The following SPON1 variants were observed in gnomAD, a reference collection of about 807,000 sequenced individuals.
SPON1 encodes spondin-1.
In SPON1, 52 loss-of-function variants were observed where a neutral mutation model predicts 111.7. The observed-to-expected ratio is 0.47, with a 90% CI of 0.37 to 0.59. The LOEUF is 0.59. Among genes scored for constraint, SPON1 ranks in the 20% least tolerant of loss-of-function variants. The probability of loss-of-function intolerance (pLI) is 0.00; values close to 1 mark genes in which losing one functional copy is unlikely to be tolerated. For missense variants in SPON1, 957 were observed against 1,068.5 expected (o/e 0.90, Z 1.46); for synonymous variants, 410 against 395.8 (o/e 1.04, Z -0.43).
chr11:14,247,003 C>G (rs1376550324), intron 7 of SPON1, among the ~76,000 whole-genome samples: 1 of 152,178 alleles, frequency 6.6e-6, no homozygotes, highest in Non-Finnish European at 1.5e-5. Context: ...TAGAGTATGT[C>G]TAAGGCACTA....
At chr11:14,149,268 T>A (rs1282000208) in intron 6 of SPON1, among the ~76,000 whole-genome samples, 1 of 152,114 alleles carries the variant, frequency 6.6e-6, no homozygotes, top group Non-Finnish European at 1.5e-5. Flanking sequence ...GCACATTTTT[T>A]AAAATGTGTG....
chr11:14,032,841 C>T (rs1195241102), intron 2 of SPON1, among the ~76,000 whole-genome samples: 2 of 152,110 alleles, frequency 1.3e-5, no homozygotes, highest in African/African-American at 2.4e-5. Context: ...AACTTCAGTG[C>T]CCCCTATACT....
At chr11:14,165,778 T>G (rs533396757) in intron 6 of SPON1, among the ~76,000 whole-genome samples, 11 of 152,358 alleles carry the variant, frequency 7.2e-5, no homozygotes, top group East Asian at 1.9e-4. Flanking sequence ...ATGATAGAAC[T>G]GACTTGTTTA....
At chr11:14,002,000 G>A (rs1554912498) in intron 2 of SPON1, among the ~76,000 whole-genome samples, 1 of 152,100 alleles carries the variant, frequency 6.6e-6, no homozygotes, top group East Asian at 1.9e-4. Context: ...TTGAATCAAA[G>A]GCAACTGTTT....
intron 6 of SPON1, among the ~76,000 whole-genome samples, chr11:14,185,450 C>T (rs1591403501): frequency 6.6e-6 from 1 of 152,228 alleles, no homozygotes; most frequent in East Asian, 1.9e-4. Flanking sequence ...TCTCTCATAA[C>T]TCATCTATAG....
chr11:14,055,970 C>T (rs1848742121), intron 3 of SPON1, among the ~76,000 whole-genome samples: 1 of 152,326 alleles, frequency 6.6e-6, no homozygotes, highest in Non-Finnish European at 1.5e-5. Flanking sequence ...AAGATTACCC[C>T]TGTACAAGTC....
chr11:14,004,936 A>G (rs1848347571), intron 2 of SPON1, among the ~76,000 whole-genome samples: 1 of 152,112 alleles, frequency 6.6e-6, no homozygotes, highest in Admixed American at 6.5e-5. Flanking sequence ...TCTCCTGAGT[A>G]GTTGGGACTA....
chr11:14,099,710 A>C (rs1214918220), intron 5 of SPON1, among the ~76,000 whole-genome samples: 1 of 152,162 alleles, frequency 6.6e-6, no homozygotes, highest in Admixed American at 6.5e-5. Flanking sequence ...TTGCATCACT[A>C]TAAAGAAATA....
rs1849141101 is a variant in SPON1, at chr11:14,259,004, C to T, written c.1493-276C>T. 6.6e-6 allele frequency among the ~76,000 whole-genome samples: 1 copy of T among 152,164 alleles called. No homozygotes were observed. The highest frequency in any genetic ancestry group is 1.5e-5 in the Non-Finnish European group (1 of 68,032). On this transcript the variant is annotated intron_variant, in intron 11 of 15. Coordinates refer to ENST00000576479, the MANE Select transcript of SPON1 (RefSeq NM_006108.4). The surrounding 1 kb of genome is among the most constrained non-coding windows in gnomAD (Gnocchi z 5.0). ...AATTATATCTTATCTTAGATATATG[C>T]GTGTACATTTTTTAAACACCATCCT...
chr11:14,071,840 C>G (rs1401430520), intron 3 of SPON1, among the ~76,000 whole-genome samples: 2 of 151,974 alleles, frequency 1.3e-5, no homozygotes, highest in Non-Finnish European at 2.9e-5. Context: ...GTCTCCCAAG[C>G]AGCATGGGCC....
rs1849142974 is a variant in SPON1, at chr11:14,259,204, G to C, written c.1493-76G>C. The C allele has an allele frequency of 1.4e-6, 2 of 1,463,914 alleles. No homozygotes were observed. The highest frequency in any genetic ancestry group is 2.8e-5 in the African/African-American group (2 of 71,318). 90.7% of individuals were successfully genotyped at this position (1,463,914 alleles called of 1,614,324 possible). A position where few individuals can be genotyped will look rare whatever the true frequency, so the allele number is the denominator to read the frequency against. On this transcript the variant is annotated intron_variant, in intron 11 of 15. Transcript: ENST00000576479. This position sits in a 1 kb window ranked among gnomAD's most constrained non-coding sequence, Gnocchi z 5.0. ...TGACTCCTCTTGATTCCCGCTGGCG[G>C]GAAGTTCCCACCGCGCAGCCTGGCA...
chr11:14,109,120 T>C (rs1269861488), intron 5 of SPON1, among the ~76,000 whole-genome samples: 9 of 152,134 alleles, frequency 5.9e-5, no homozygotes, highest in African/African-American at 2.2e-4. Context: ...ACTGGACTGG[T>C]TCTAGTTCTT....
chr11:14,266,229 G>T lies in SPON1; in HGVS notation c.*542G>T, dbSNP rs1554942483. ...AAACAGAGCTGGTAGACTTGAAGAGGAGCATTGATGTTGGGTGGCTTTTGT... is the reference window on the plus strand; with the variant it reads ...AAACAGAGCTGGTAGACTTGAAGAGTAGCATTGATGTTGGGTGGCTTTTGT... On this transcript the variant is annotated 3_prime_UTR_variant, in exon 16 of 16. Transcript: ENST00000576479. 1 of 152,216 alleles carries T rather than the reference G, an allele frequency of 6.6e-6. No individual in the cohort carries two copies. Among genetic ancestry groups the T allele is most frequent in the Non-Finnish European group, 1.5e-5 (1 of 68,060 alleles). The allele number at this position is 152,216 out of a possible 1,614,324, so 9.4% of individuals were successfully genotyped here.
chr11:14,009,101 G>A (rs1168566184), intron 2 of SPON1, among the ~76,000 whole-genome samples: 1 of 152,148 alleles, frequency 6.6e-6, no homozygotes, highest in African/African-American at 2.4e-5. Context: ...AGCTCCATGA[G>A]GTCAGGGACT....
chr11:14,096,824 G>A (rs1849105299), intron 5 of SPON1, among the ~76,000 whole-genome samples: 1 of 152,066 alleles, frequency 6.6e-6, no homozygotes, highest in South Asian at 2.1e-4. Flanking sequence ...GTTTCCTGTG[G>A]GACTGAGACT....
At chr11:14,141,029 C>CCTCCA (rs71041572) in intron 6 of SPON1, among the ~76,000 whole-genome samples, 2 of 132,274 alleles carry the variant, frequency 1.5e-5, no homozygotes, top group Admixed American at 8.0e-5. Flanking sequence ...GTGCCCCCCC[C>CCTCCA]ATGCCCCACT....
intron 6 of SPON1, among the ~76,000 whole-genome samples, chr11:14,165,249 G>A (rs1361381312): frequency 1.4e-5 from 2 of 144,822 alleles, no homozygotes; most frequent in Non-Finnish European, 3.1e-5. Context: ...CTGTTTCACT[G>A]TCTCAATATG....
intron 15 of SPON1, among the ~76,000 whole-genome samples, chr11:14,263,853 AC>A (rs1162198283): frequency 2.0e-5 from 3 of 151,954 alleles, no homozygotes; most frequent in African/African-American, 7.3e-5. Context: ...ATATGGTGAA[AC>A]CCCATCTCTA....
At chr11:14,244,200 C>A (rs1554939999) in intron 7 of SPON1, among the ~76,000 whole-genome samples, 2 of 152,180 alleles carry the variant, frequency 1.3e-5, no homozygotes, top group Non-Finnish European at 2.9e-5. Context: ...AATTCCTCAT[C>A]CACAGTTACT....
Sources: allele counts gnomAD v4.1 joint callset (sites outside exome capture counted in the v4.1 genomes callset), GRCh38; gene constraint gnomAD v4.1.1; non-coding constraint Gnocchi (gnomAD v3.1); transcripts MANE v1.5; gene names NCBI Gene and HGNC (gene_info 2026-07-23, HGNC 2026-07-21).